The following CCDC180 variants were observed in gnomAD, a reference collection of about 807,000 sequenced individuals.
CCDC180 encodes the protein coiled-coil domain-containing protein 180.
In CCDC180, 154 loss-of-function variants were observed where a neutral mutation model predicts 209.2. The ratio of observed to expected loss-of-function variants is 0.74; its 90% CI spans 0.65 to 0.84. The LOEUF is 0.84. Among genes scored for constraint, CCDC180 ranks in the 40% least tolerant of loss-of-function variants. CCDC180 has a pLI of 0.00. For missense variants in CCDC180, 1,874 were observed against 1,997.3 expected (o/e 0.94, Z 1.18); for synonymous variants, 778 against 749.1 (o/e 1.04, Z -0.63).
chr9:97,310,736 G>A lies in CCDC180; in HGVS notation c.260+1132G>A, dbSNP rs147200079. Among the ~76,000 whole-genome samples, 382 of 152,154 alleles carry A rather than the reference G, an allele frequency of 2.5e-3. 1 individual carries two copies. The highest frequency in any genetic ancestry group is 8.7e-3 in the African/African-American group (360 of 41,486). ...TGAGTATAGTTCTCTGCCCTGACCTGGCCTTTGAATTTTCCCAGGAAAGCC... is the reference window on the plus strand; with the variant it reads ...TGAGTATAGTTCTCTGCCCTGACCTAGCCTTTGAATTTTCCCAGGAAAGCC... On this transcript the variant is annotated intron_variant, in intron 3 of 36. Coordinates refer to ENST00000529487, the MANE Select transcript of CCDC180 (RefSeq NM_020893.6).
chr9:97,335,375 G>A lies in CCDC180; in HGVS notation c.2274+4608G>A, dbSNP rs190859702. Among the ~76,000 whole-genome samples the A allele has an allele frequency of 2.0e-5, 3 of 152,008 alleles. No homozygotes were observed. In the East Asian group the frequency reaches 5.8e-4, roughly 29 times the overall value. ...CTTGGTGTGTGATGTTCCCCACCCT[G>A]TATCCAAGTGTTCTCATTGTTCAAT... On this transcript the variant is annotated intron_variant, in intron 18 of 36. Transcript: ENST00000529487.
intron 19 of CCDC180, among the ~76,000 whole-genome samples, chr9:97,346,098 T>C (rs187050834): frequency 1.7e-4 from 26 of 152,314 alleles, no homozygotes; most frequent in African/African-American, 5.8e-4. Context: ...AGATAACCAG[T>C]TGATCCTGGG....
At chr9:97,371,512 C>A in intron 33 of CCDC180, 83 bp from the exon 34 acceptor site, 1 of 796,540 alleles carries the variant, frequency 1.3e-6, no homozygotes, top group Non-Finnish European at 2.1e-6. Context: ...GATCTCCCTG[C>A]AGAGTTCACC....
intron 29 of CCDC180, chr9:97,364,365 TGG>T: frequency 2.1e-6 from 1 of 482,868 alleles, no homozygotes. Context: ...CATTTCCTGG[TGG>T]TAGGGCAGGA....
intron 14 of CCDC180, among the ~76,000 whole-genome samples, chr9:97,325,592 G>C (rs1434246186): frequency 6.6e-6 from 1 of 152,214 alleles, no homozygotes; most frequent in Non-Finnish European, 1.5e-5. Flanking sequence ...AGCTATTAAA[G>C]TCTAGTTGTT....
Position 97,325,135 on chromosome 9 carries a change from G to A in CCDC180, c.1488G>A (p.Glu496=). 1 of 1,612,250 alleles carries A rather than the reference G, an allele frequency of 6.2e-7. No individual in the cohort carries two copies. Among genetic ancestry groups the A allele is most frequent in the Non-Finnish European group, 8.5e-7 (1 of 1,179,280 alleles). Reference sequence around the variant, plus strand: ...ACCAGAGCGAGCTGTTGGTGCAGGAGCTGGAGCTGGAGAAGAGGATGGAGC... The same window carrying A: ...ACCAGAGCGAGCTGTTGGTGCAGGAACTGGAGCTGGAGAAGAGGATGGAGC... ...EAHQSELLVQ[E]LELEKRMEQH... is the part of the protein sequence containing the mutation. The change falls in exon 14 of 37, where the codon GAG becomes GAA. Residue 496 remains glutamate, a synonymous_variant. Coordinates refer to ENST00000529487, the MANE Select transcript of CCDC180 (RefSeq NM_020893.6).
Position 97,314,674 on chromosome 9 carries a change from G to A in CCDC180, c.645G>A (p.Glu215=), listed in dbSNP as rs1742683250. The A allele has an allele frequency of 5.0e-6, 8 of 1,614,074 alleles. No individual in the cohort carries two copies. Among genetic ancestry groups the A allele is most frequent in the Non-Finnish European group, 6.8e-6 (8 of 1,180,018 alleles). The change falls in exon 7 of 37, where the codon GAG becomes GAA. Residue 215 remains glutamate, a synonymous_variant. Coordinates refer to ENST00000529487, the MANE Select transcript of CCDC180 (RefSeq NM_020893.6). Reference sequence around the variant, plus strand: ...GGCGGTTACTGCTCCGGAAGCAGGAGATTAAGGAGCTGGATGAGGCCCTGC... The same window carrying A: ...GGCGGTTACTGCTCCGGAAGCAGGAAATTAAGGAGCTGGATGAGGCCCTGC... ...VAGRLLLRKQ[E]IKELDEALHS...
intron 9 of CCDC180, among the ~76,000 whole-genome samples, chr9:97,317,574 C>G (rs374212346): frequency 6.6e-6 from 1 of 152,102 alleles, no homozygotes; most frequent in Non-Finnish European, 1.5e-5. Flanking sequence ...GTATAATTTC[C>G]ACTCTTTATT....
chr9:97,353,703 A>G (rs1013408623), intron 22 of CCDC180, among the ~76,000 whole-genome samples: 4 of 152,206 alleles, frequency 2.6e-5, no homozygotes, highest in African/African-American at 7.2e-5. Context: ...GAGAACATGA[A>G]TTCATTTTGT....
intron 18 of CCDC180, among the ~76,000 whole-genome samples, chr9:97,339,448 T>C (rs1826009410): frequency 6.6e-6 from 1 of 152,234 alleles, no homozygotes; most frequent in Admixed American, 6.5e-5. Flanking sequence ...AAATTCTGAG[T>C]TGAAAATTCT....
intron 19 of CCDC180, 110 bp downstream of exon 19, chr9:97,343,673 A>C: frequency 2.4e-6 from 2 of 833,252 alleles, no homozygotes; most frequent in South Asian, 3.7e-5. Flanking sequence ...ATAAAGAAAA[A>C]AATGTAGGTA....
At chr9:97,362,583 G>A (rs1826796351) in intron 28 of CCDC180, 142 bp downstream of exon 28, 2 of 1,248,376 alleles carry the variant, frequency 1.6e-6, no homozygotes, top group South Asian at 3.1e-5. Flanking sequence ...GGCGCAGTGA[G>A]GGGTGAGCGC....
chr9:97,351,719 CA>C (rs1423389391), intron 22 of CCDC180, among the ~76,000 whole-genome samples: 1 of 152,118 alleles, frequency 6.6e-6, no homozygotes, highest in Admixed American at 6.5e-5. Context: ...TCCTAGTATA[CA>C]TGCTGACCCA....
intron 3 of CCDC180, among the ~76,000 whole-genome samples, chr9:97,311,784 C>A (rs758823898): frequency 4.6e-5 from 7 of 152,162 alleles, no homozygotes; most frequent in Non-Finnish European, 7.4e-5. Flanking sequence ...CTGGGCTGCT[C>A]GTACCCCTTC....
intron 20 of CCDC180, chr9:97,347,783 G>A: frequency 3.5e-6 from 1 of 282,700 alleles, no homozygotes; most frequent in Non-Finnish European, 6.7e-6. Flanking sequence ...ACCCAGATCT[G>A]CTCATACACC....
chr9:97,328,166 ACACC>A lies in CCDC180; in HGVS notation c.1788+23_1788+26del. The A allele has an allele frequency of 1.2e-6, 2 of 1,609,778 alleles. No individual in the cohort carries two copies. The highest frequency in any genetic ancestry group is 1.7e-6 in the Non-Finnish European group (2 of 1,177,720). On this transcript the variant is annotated intron_variant, in intron 16 of 36. Transcript: ENST00000529487. ...GAACAGGTATGGAGAGGGTGATGAT[ACACC>A]CAGCCACTCATGAAGAAGCTAAGGG...
intron 18 of CCDC180, among the ~76,000 whole-genome samples, chr9:97,331,336 T>C (rs1008075655): frequency 2.0e-5 from 3 of 152,212 alleles, no homozygotes; most frequent in African/African-American, 7.2e-5. Flanking sequence ...GGCGTTTAGG[T>C]TGATTCCATG....
At chr9:97,307,444 C>A, upstream of CCDC180, 1 of 583,702 alleles carries the variant, frequency 1.7e-6, no homozygotes, top group Non-Finnish European at 3.2e-6. Flanking sequence ...CTCAGGGGGA[C>A]GGCCAGGGGC....
chr9:97,330,251 G>T, intron 17 of CCDC180, 58 bp downstream of exon 17: 1 of 1,610,992 alleles, frequency 6.2e-7, no homozygotes, highest in Non-Finnish European at 8.5e-7. Flanking sequence ...CGCGTTTGTG[G>T]GTTGGGAGGC....
Sources: allele counts gnomAD v4.1 joint callset (sites outside exome capture counted in the v4.1 genomes callset), GRCh38; gene constraint gnomAD v4.1.1; transcripts MANE v1.5; gene names NCBI Gene and HGNC (gene_info 2026-07-23, HGNC 2026-07-21).